CKAP2L: variants seen among roughly 807,000 people sequenced by gnomAD.
The protein encoded by CKAP2L is cytoskeleton associated protein 2L, also known as cytoskeleton-associated protein 2-like.
CKAP2L carries 42 observed loss-of-function variants against 65.7 expected under a neutral mutation model. The observed-to-expected ratio is 0.64, with a 90% CI of 0.50 to 0.83. The LOEUF (loss-of-function observed/expected upper bound fraction) is 0.83. CKAP2L is among the 40% of genes least tolerant of loss of function. The pLI, the probability that CKAP2L is intolerant of heterozygous loss-of-function variation, is 0.00. For synonymous variants in CKAP2L, 325 were observed against 313.5 expected (o/e 1.04, Z -0.39); for missense variants, 908 against 871.0 (o/e 1.04, Z -0.53).
chr2:112,736,417 G>A lies in CKAP2L; in HGVS notation c.*2406C>T, dbSNP rs1456348474. On this transcript the variant is annotated 3_prime_UTR_variant, in exon 9 of 9. Transcript: ENST00000302450. ...AACATGATGTTATGGGATACATATA[G>A]ATAATAAAATGGCTGCTATAGTGAA... 6.6e-6 allele frequency among the ~76,000 whole-genome samples: 1 copy of A among 152,058 alleles called. No homozygotes were observed.
Position 112,756,605 on chromosome 2 carries a change from C to T in CKAP2L, c.766G>A (p.Val256Ile). ...VGETQSRTFP[V>I]KSQQLSRGAD... is the part of the protein sequence containing the mutation. ...CCTCTAGAGAGTTGCTGTGATTTTACTGGGAAAGTCCTGCTTTGTGTTTCT... is the reference window on the plus strand; with the variant it reads ...CCTCTAGAGAGTTGCTGTGATTTTATTGGGAAAGTCCTGCTTTGTGTTTCT... The change falls in exon 4 of 9, where the codon GTA becomes ATA. Residue 256 changes from valine (V) to isoleucine (I), a missense_variant. Transcript: ENST00000302450. 1 of 1,613,306 alleles carries T rather than the reference C, an allele frequency of 6.2e-7. No homozygotes were observed. The highest frequency in any genetic ancestry group is 8.5e-7 in the Non-Finnish European group (1 of 1,179,792).
chr2:112,740,264 A>G (rs1322723209), intron 8 of CKAP2L, among the ~76,000 whole-genome samples: 1 of 152,174 alleles, frequency 6.6e-6, no homozygotes, highest in East Asian at 1.9e-4. Context: ...GGTAACTAAA[A>G]CAAAGAACTG....
At position 112,756,968 on chromosome 2, in the gene CKAP2L, A is replaced by C. The variant is rs1680559988; in HGVS notation, c.403T>G (p.Ser135Ala). 1 of 1,614,218 alleles carries C rather than the reference A, an allele frequency of 6.2e-7. No homozygotes were observed. The highest frequency in any genetic ancestry group is 8.5e-7 in the Non-Finnish European group (1 of 1,180,030). ...TTAAGTGACCCCACAGGTTTTCTTG[A>C]CAGTTCTCCTGTTGTGGACGATCCA... Reference protein sequence around the residue: ...EAGSSTTGELSRKPVGSLNIE... With the variant: ...EAGSSTTGELARKPVGSLNIE... Residue 135 changes from serine (S) to alanine (A), a missense_variant, in exon 4 of 9, where the codon TCA becomes GCA. Coordinates refer to ENST00000302450, the MANE Select transcript of CKAP2L (RefSeq NM_152515.5).
rs1428415128 is a variant in CKAP2L at position 112,756,502 on chromosome 2, T to C, written c.869A>G (p.Gln290Arg). 2 of 1,608,998 alleles carry C rather than the reference T, an allele frequency of 1.2e-6. No homozygotes were observed. Among genetic ancestry groups the C allele is most frequent in the Admixed American group, 3.4e-5 (2 of 58,942 alleles). ...CTTGACTACTGGTTTCTTTGATGAC[T>C]GAACTTTACTAAGGGTCCGAATAAA... ...SHFIRTLSKV[Q>R]SSKKPVVKNI... The change falls in exon 4 of 9, where the codon CAG becomes CGG. Residue 290 changes from glutamine (Q) to arginine (R), a missense_variant. Transcript: ENST00000302450.
chr2:112,756,805 A>G lies in CKAP2L; in HGVS notation c.566T>C (p.Leu189Pro). Residue 189 changes from leucine (L) to proline (P), a missense_variant, in exon 4 of 9, where the codon CTC (leucine) becomes CCC (proline). Leu to Pro is a moderately conservative substitution (Grantham distance 98, BLOSUM62 -3). Transcript: ENST00000302450. ...FLKETNKENL[L>P]DILTEPERKP... The stretch of plus-strand genomic sequence containing the variant: ...CCTCTCAGGTTCTGTTAAGATATCG[A>G]GCAAGTTCTCTTTGTTTGTTTCTTT... 1.2e-6 allele frequency: 2 copies of G among 1,602,406 alleles called. No individual in the cohort carries two copies. The highest frequency in any genetic ancestry group is 1.7e-6 in the Non-Finnish European group (2 of 1,176,816).
At chr2:112,745,642 A>G (rs1228210953) in intron 6 of CKAP2L, among the ~76,000 whole-genome samples, 1 of 152,200 alleles carries the variant, frequency 6.6e-6, no homozygotes, top group Admixed American at 6.5e-5. Flanking sequence ...CGGCCTCCCC[A>G]AGTGCTGGGA....
chr2:112,741,754 C>A (rs1299321090), intron 7 of CKAP2L, among the ~76,000 whole-genome samples: 1 of 152,024 alleles, frequency 6.6e-6, no homozygotes, highest in Non-Finnish European at 1.5e-5. Flanking sequence ...GATTGTTCCC[C>A]AGTTAAATCT....
At chr2:112,754,121 G>T (rs930613567) in intron 4 of CKAP2L, among the ~76,000 whole-genome samples, 1 of 152,182 alleles carries the variant, frequency 6.6e-6, no homozygotes, top group Non-Finnish European at 1.5e-5. Flanking sequence ...AGTCATTTAA[G>T]TCTGACTATT....
At chr2:112,762,829 G>T (rs1053816920) in intron 1 of CKAP2L, among the ~76,000 whole-genome samples, 2 of 150,332 alleles carry the variant, frequency 1.3e-5, no homozygotes, top group African/African-American at 4.9e-5. Context: ...TGTCACTGAG[G>T]TTGGAGGGCA....
chr2:112,755,908 C>T, intron 4 of CKAP2L, 69 bp downstream of exon 4: 5 of 1,436,062 alleles, frequency 3.5e-6, no homozygotes, highest in Non-Finnish European at 4.7e-6. Context: ...ATTTCCTGAC[C>T]TAGTCTTCTT....
At chr2:112,752,957 A>T (rs1680421211) in intron 4 of CKAP2L, among the ~76,000 whole-genome samples, 1 of 151,956 alleles carries the variant, frequency 6.6e-6, no homozygotes, top group African/African-American at 2.4e-5. Context: ...ACCAGACATG[A>T]CTCTTTCATA....
At chr2:112,741,271 T>C (rs1679943786) in intron 7 of CKAP2L, among the ~76,000 whole-genome samples, 1 of 151,956 alleles carries the variant, frequency 6.6e-6, no homozygotes, top group South Asian at 2.1e-4. Context: ...CTTTCAAGAC[T>C]CTGAACATAT....
rs767842541 is a variant in CKAP2L at position 112,752,275 on chromosome 2, T to A, written c.1594A>T (p.Ile532Phe). 7.5e-6 allele frequency: 12 copies of A among 1,610,576 alleles called. No homozygotes were observed. In the South Asian group the frequency reaches 1.3e-4, roughly 18 times the overall value. Residue 532 changes from isoleucine to phenylalanine, a missense_variant, in exon 5 of 9, where the codon ATC (isoleucine) becomes TTC (phenylalanine). Transcript: ENST00000302450. ...TTATCTTCTTCACTTACCCCTTCGATGAGGTTCAGACATTCTGTCAGAGTG... is the reference window on the plus strand; with the variant it reads ...TTATCTTCTTCACTTACCCCTTCGAAGAGGTTCAGACATTCTGTCAGAGTG... ...NNTLTECLNL[I>F]EGGVPSNEIL...
At chr2:112,753,531 T>C (rs934827757) in intron 4 of CKAP2L, among the ~76,000 whole-genome samples, 2,377 of 139,642 alleles carry the variant, frequency 0.017, 60 homozygotes, top group African/African-American at 0.065. Flanking sequence ...CTTTTCTTTT[T>C]TTTTTTTTTT....
At chr2:112,740,034 C>T (rs1558751661) in intron 8 of CKAP2L, among the ~76,000 whole-genome samples, 1 of 152,100 alleles carries the variant, frequency 6.6e-6, no homozygotes, top group Non-Finnish European at 1.5e-5. Context: ...GGCAGACTTG[C>T]CTGCTAGTTT....
rs1451981459 is a variant in CKAP2L, at chr2:112,738,232, C to T, written c.*591G>A. ...ATGCCAATTCAGGATTGTGTTTCAT[C>T]TGAGGAGACCTGGCATAGAAAAAAC... On this transcript the variant is annotated 3_prime_UTR_variant, in exon 9 of 9. Coordinates refer to ENST00000302450, the MANE Select transcript of CKAP2L (RefSeq NM_152515.5). 3 of 152,358 alleles carry T rather than the reference C, an allele frequency of 2.0e-5. No individual in the cohort carries two copies. The highest frequency in any genetic ancestry group is 4.4e-5 in the Non-Finnish European group (3 of 68,206). The allele number at this position is 152,358 out of a possible 1,614,324, so 9.4% of individuals were successfully genotyped here.
chr2:112,736,609 C>T lies in CKAP2L; in HGVS notation c.*2214G>A, dbSNP rs1679210257. Reference sequence around the variant, plus strand: ...GCCTGCATCTCCCCATTTCCTCTTCCCCAATCTGTGGTAAGCACTTTCTCT... The same window carrying T: ...GCCTGCATCTCCCCATTTCCTCTTCTCCAATCTGTGGTAAGCACTTTCTCT... On this transcript the variant is annotated 3_prime_UTR_variant, in exon 9 of 9. Coordinates refer to ENST00000302450, the MANE Select transcript of CKAP2L (RefSeq NM_152515.5). 6.6e-6 allele frequency: 1 copy of T among 152,122 alleles called. No homozygotes were observed. The highest frequency in any genetic ancestry group is 1.5e-5 in the Non-Finnish European group (1 of 68,026). 9.4% of individuals were successfully genotyped at this position (152,122 alleles called of 1,614,324 possible).
chr2:112,739,396 G>C (rs1450498790), intron 8 of CKAP2L, among the ~76,000 whole-genome samples: 4 of 152,152 alleles, frequency 2.6e-5, no homozygotes, highest in Non-Finnish European at 4.4e-5. Flanking sequence ...ACTCCAGTCT[G>C]GGCAACATGG....
At chr2:112,759,726 G>C (rs1011955136) in intron 3 of CKAP2L, among the ~76,000 whole-genome samples, 1 of 152,072 alleles carries the variant, frequency 6.6e-6, no homozygotes, top group African/African-American at 2.4e-5. Context: ...CCTTCACAGT[G>C]TCTAATGATG....
Sources: allele counts gnomAD v4.1 joint callset (sites outside exome capture counted in the v4.1 genomes callset), GRCh38; gene constraint gnomAD v4.1.1; transcripts MANE v1.5; gene names NCBI Gene and HGNC (gene_info 2026-07-23, HGNC 2026-07-21).